CLSTN1: variants seen among roughly 807,000 people sequenced by gnomAD.
CLSTN1 encodes the protein calsyntenin 1, also known as calsyntenin-1.
A neutral mutation model predicts 108.3 loss-of-function variants in CLSTN1; 28 were observed. That is an observed-to-expected ratio of 0.26 (90% CI 0.19 to 0.35). The LOEUF (loss-of-function observed/expected upper bound fraction) is 0.35, where lower values mean the gene tolerates loss of function less well. Ranked by LOEUF, CLSTN1 falls within the 10% of genes least tolerant of loss-of-function variation. The probability of loss-of-function intolerance (pLI) is 1.00; values close to 1 mark genes in which losing one functional copy is unlikely to be tolerated. For missense variants in CLSTN1, 1,157 were observed against 1,302.6 expected (o/e 0.89, Z 1.72); for synonymous variants, 524 against 534.9 (o/e 0.98, Z 0.28).
At chr1:9,737,656 G>A (rs953675983) in intron 10 of CLSTN1, 102 bp from the exon 11 acceptor site, 1 of 1,017,962 alleles carries the variant, frequency 9.8e-7, no homozygotes, top group Non-Finnish European at 1.5e-6. Flanking sequence ...TATAAAACAT[G>A]AAGAGAAAAT....
chr1:9,794,939 A>G (rs1469414883), intron 1 of CLSTN1, among the ~76,000 whole-genome samples: 1 of 151,160 alleles, frequency 6.6e-6, no homozygotes, highest in Non-Finnish European at 1.5e-5. Context: ...TTCATTATCA[A>G]TGCCAAGTTC....
chr1:9,773,240 T>G, intron 2 of CLSTN1, 32 bp downstream of exon 2: 1 of 1,613,078 alleles, frequency 6.2e-7, no homozygotes, highest in South Asian at 1.1e-5. Context: ...CAGGCCCGAT[T>G]CATCAAGAGT....
chr1:9,761,710 C>G (rs2101129407), intron 2 of CLSTN1, among the ~76,000 whole-genome samples: 1 of 152,260 alleles, frequency 6.6e-6, no homozygotes, highest in South Asian at 2.1e-4. Context: ...CTTTCGAAGT[C>G]TTCTTCCTAA....
At chr1:9,757,815 G>A (rs950060683) in intron 2 of CLSTN1, among the ~76,000 whole-genome samples, 3 of 152,050 alleles carry the variant, frequency 2.0e-5, no homozygotes, top group South Asian at 2.1e-4. Context: ...CAGGAATTTC[G>A]CTGCCCCTCA....
chr1:9,777,738 C>T (rs977172214), intron 1 of CLSTN1, among the ~76,000 whole-genome samples: 5 of 152,164 alleles, frequency 3.3e-5, no homozygotes, highest in Non-Finnish European at 7.3e-5. Context: ...TCTACCCCCG[C>T]TCCCCCTGCA....
intron 2 of CLSTN1, among the ~76,000 whole-genome samples, 183 bp downstream of exon 2, chr1:9,773,089 A>G (rs143437520): frequency 6.6e-6 from 1 of 152,332 alleles, no homozygotes; most frequent in East Asian, 1.9e-4. Flanking sequence ...CTATAAGAAC[A>G]GGCCTTTTTG....
At chr1:9,741,682 C>A (rs1462751030) in intron 9 of CLSTN1, among the ~76,000 whole-genome samples, 2 of 152,156 alleles carry the variant, frequency 1.3e-5, no homozygotes, top group Non-Finnish European at 2.9e-5. Context: ...GAGGCCAAGG[C>A]GAGGAGATCA....
chr1:9,812,672 C>T (rs901520047), intron 1 of CLSTN1, among the ~76,000 whole-genome samples: 8 of 151,966 alleles, frequency 5.3e-5, no homozygotes, highest in Non-Finnish European at 1.0e-4. Context: ...CATGGAGAAA[C>T]CCCATCTCTA....
At chr1:9,740,184 C>T (rs895750743) in intron 10 of CLSTN1, among the ~76,000 whole-genome samples, 9 of 152,080 alleles carry the variant, frequency 5.9e-5, no homozygotes, top group South Asian at 2.1e-4. Context: ...CTGAGCCTCT[C>T]GAGTAGCTGG....
At chr1:9,774,838 T>G (rs1652858966) in intron 1 of CLSTN1, among the ~76,000 whole-genome samples, 1 of 152,124 alleles carries the variant, frequency 6.6e-6, no homozygotes, top group Admixed American at 6.6e-5. Context: ...GGTCGGCTAT[T>G]TTTATGGTTA....
At chr1:9,783,485 C>G (rs530453488) in intron 1 of CLSTN1, among the ~76,000 whole-genome samples, 1 of 152,250 alleles carries the variant, frequency 6.6e-6, no homozygotes, top group Admixed American at 6.5e-5. Context: ...TTCGGGAGGC[C>G]AAGGCGGGTG....
chr1:9,775,922 G>A (rs956646044), intron 1 of CLSTN1, among the ~76,000 whole-genome samples: 1 of 152,016 alleles, frequency 6.6e-6, no homozygotes, highest in African/African-American at 2.4e-5. Flanking sequence ...CAGAGTAGGC[G>A]TGTGAAGGCT....
intron 2 of CLSTN1, among the ~76,000 whole-genome samples, chr1:9,761,978 G>A (rs1407692963): frequency 6.6e-6 from 1 of 152,142 alleles, no homozygotes; most frequent in Non-Finnish European, 1.5e-5. Context: ...AACAGGAACC[G>A]CAACAGTCCC....
At chr1:9,744,348 C>A (rs1436983144) in intron 8 of CLSTN1, 47 bp downstream of exon 8, 1 of 1,567,964 alleles carries the variant, frequency 6.4e-7, no homozygotes, top group South Asian at 1.2e-5. Context: ...GGCACCCACC[C>A]TACTGGACAC....
chr1:9,735,833 G>A, intron 12 of CLSTN1, 52 bp downstream of exon 12: 1 of 1,603,576 alleles, frequency 6.2e-7, no homozygotes, highest in Non-Finnish European at 8.5e-7. Flanking sequence ...AGCCTCCGGG[G>A]CTGTAGTCTA....
intron 1 of CLSTN1, among the ~76,000 whole-genome samples, chr1:9,800,841 A>C (rs1350722020): frequency 2.6e-5 from 4 of 152,170 alleles, no homozygotes; most frequent in African/African-American, 9.6e-5. Context: ...CAGGAGGCTG[A>C]GGTAGGAGAA....
At chr1:9,737,959 C>T (rs559917999) in intron 10 of CLSTN1, among the ~76,000 whole-genome samples, 1 of 152,310 alleles carries the variant, frequency 6.6e-6, no homozygotes, top group Non-Finnish European at 1.5e-5. Context: ...CCAACAGCAC[C>T]TCTTCTCCTA....
chr1:9,818,791 TTTTTTTTTTTTTTG>T, intron 1 of CLSTN1, among the ~76,000 whole-genome samples: 1 of 133,976 alleles, frequency 7.5e-6, no homozygotes, highest in African/African-American at 2.9e-5. Context: ...TTTTTTTTTT[TTTTTTTTTTTTTTG>T]AGACGGAGTC....
intron 1 of CLSTN1, among the ~76,000 whole-genome samples, chr1:9,780,090 G>C (rs1336950011): frequency 6.6e-6 from 1 of 151,394 alleles, no homozygotes; most frequent in African/African-American, 2.4e-5. Flanking sequence ...TCAGACCTCA[G>C]GTGATCTGCC....
Sources: allele counts gnomAD v4.1 joint callset (sites outside exome capture counted in the v4.1 genomes callset), GRCh38; gene constraint gnomAD v4.1.1; transcripts MANE v1.5; gene names NCBI Gene and HGNC (gene_info 2026-07-23, HGNC 2026-07-21).